The following AXDND1 variants were observed in gnomAD, a reference collection of about 807,000 sequenced individuals.
The protein encoded by AXDND1 is axonemal dynein light chain domain containing 1, also known as axonemal dynein light chain domain-containing protein 1.
A neutral mutation model predicts 137.5 loss-of-function variants in AXDND1; 110 were observed. The ratio of observed to expected loss-of-function variants is 0.80; its 90% CI spans 0.69 to 0.94. The LOEUF (loss-of-function observed/expected upper bound fraction) is 0.94. AXDND1 is among the 40% of genes least tolerant of loss of function. The pLI is 0.00. For missense variants in AXDND1, 1,191 were observed against 1,169.8 expected (o/e 1.02, Z -0.26); for synonymous variants, 414 against 399.7 (o/e 1.04, Z -0.43).
intron 23 of AXDND1, among the ~76,000 whole-genome samples, chr1:179,533,376 C>G (rs1271830666): frequency 1.3e-5 from 2 of 152,112 alleles, no homozygotes; most frequent in African/African-American, 2.4e-5. Context: ...TTGGATTTTG[C>G]AATGTTACAT....
At chr1:179,462,012 C>T (rs917164725) in intron 16 of AXDND1, among the ~76,000 whole-genome samples, 5 of 152,166 alleles carry the variant, frequency 3.3e-5, no homozygotes, top group African/African-American at 9.7e-5. Flanking sequence ...TTGACTTCCT[C>T]TTTTCCTAAT....
At chr1:179,449,568 A>C (rs1421836332) in intron 16 of AXDND1, 1 of 153,738 alleles carries the variant, frequency 6.5e-6, no homozygotes, top group Non-Finnish European at 1.4e-5. Flanking sequence ...AGCTTCTGAT[A>C]GGGATTATGT....
chr1:179,373,663 A>G (rs912582322), intron 4 of AXDND1, among the ~76,000 whole-genome samples: 1 of 152,162 alleles, frequency 6.6e-6, no homozygotes, highest in Admixed American at 6.5e-5. Context: ...AGGCCTCCGA[A>G]ATAACACCAC....
chr1:179,381,511 T>TTC (rs1265521172), intron 6 of AXDND1, among the ~76,000 whole-genome samples: 2 of 151,232 alleles, frequency 1.3e-5, no homozygotes, highest in African/African-American at 2.4e-5. Flanking sequence ...GCCCAGCTAA[T>TTC]TTTTGTAATT....
At chr1:179,502,912 A>G (rs1247901637) in intron 20 of AXDND1, among the ~76,000 whole-genome samples, 3 of 151,830 alleles carry the variant, frequency 2.0e-5, no homozygotes, top group Non-Finnish European at 4.4e-5. Context: ...CCTGACCAAC[A>G]TGGAGAGACC....
chr1:179,523,753 G>A (rs1320857353), intron 21 of AXDND1, among the ~76,000 whole-genome samples: 1 of 151,956 alleles, frequency 6.6e-6, no homozygotes, highest in Non-Finnish European at 1.5e-5. Context: ...ACAGGTCATA[G>A]TTGGTTACAT....
chr1:179,449,189 G>C (rs980951711), intron 16 of AXDND1: 1 of 446,774 alleles, frequency 2.2e-6, no homozygotes, highest in African/African-American at 2.0e-5. Flanking sequence ...CCTGGCCTTG[G>C]GTTAATTTTT....
At chr1:179,374,866 C>T (rs1348309959) in intron 4 of AXDND1, among the ~76,000 whole-genome samples, 1 of 151,080 alleles carries the variant, frequency 6.6e-6, no homozygotes, top group Admixed American at 6.6e-5. Flanking sequence ...AGGAGGAATA[C>T]CTAATGTAAA....
intron 11 of AXDND1, among the ~76,000 whole-genome samples, chr1:179,403,957 A>G (rs1171574003): frequency 6.6e-6 from 1 of 152,156 alleles, no homozygotes; most frequent in African/African-American, 2.4e-5. Flanking sequence ...GTAATACCGT[A>G]TGTACTGTAG....
At chr1:179,510,551 C>T (rs1668945578) in intron 21 of AXDND1, among the ~76,000 whole-genome samples, 1 of 151,998 alleles carries the variant, frequency 6.6e-6, no homozygotes, top group Non-Finnish European at 1.5e-5. Context: ...TGTGAAATAA[C>T]CACTGAATGA....
At chr1:179,432,073 G>T (rs1657454905) in intron 14 of AXDND1, among the ~76,000 whole-genome samples, 194 bp from the exon 15 acceptor site, 1 of 152,164 alleles carries the variant, frequency 6.6e-6, no homozygotes, top group Non-Finnish European at 1.5e-5. Context: ...GATTGCTCAG[G>T]TCTGAATAGA....
chr1:179,424,825 G>T (rs1187968136), intron 12 of AXDND1, among the ~76,000 whole-genome samples: 3 of 152,104 alleles, frequency 2.0e-5, no homozygotes, highest in Non-Finnish European at 4.4e-5. Flanking sequence ...GATGCATTCT[G>T]CTGTTGAGAA....
chr1:179,367,971 C>CT (rs563605841), intron 2 of AXDND1, among the ~76,000 whole-genome samples: 9,742 of 146,370 alleles, frequency 0.067, 1,060 homozygotes, highest in African/African-American at 0.23. Context: ...CCCCACCCAA[C>CT]TTTTTTTTTT....
chr1:179,475,864 G>A (rs1664550721), intron 17 of AXDND1, among the ~76,000 whole-genome samples: 1 of 151,508 alleles, frequency 6.6e-6, no homozygotes, highest in South Asian at 2.1e-4. Flanking sequence ...ATCCTCATGT[G>A]TTAAGGGAGG....
At chr1:179,470,646 A>G (rs1576225) in intron 17 of AXDND1, among the ~76,000 whole-genome samples, 69,376 of 151,920 alleles carry the variant, frequency 0.46, 16,732 homozygotes, top group East Asian at 0.76. Flanking sequence ...CCAAAACCTT[A>G]CTGAATTCAT....
At position 179,449,468 on chromosome 1, in the gene AXDND1, A is replaced by G. The variant is rs142868454; in HGVS notation, c.1798+4264A>G. On this transcript the variant is annotated intron_variant, in intron 16 of 25. Transcript: ENST00000367618. ...CGAGAAGTATGAGTCCTCCTACTTTATTCTTTTTCATGATTGTTTTGGCTA... is the reference window on the plus strand; with the variant it reads ...CGAGAAGTATGAGTCCTCCTACTTTGTTCTTTTTCATGATTGTTTTGGCTA... 1,179 of 157,178 alleles carry G rather than the reference A, an allele frequency of 7.5e-3. 50 individuals are homozygous for G. The highest frequency in any genetic ancestry group is 0.065 in the Admixed American group (1,037 of 15,866). The allele number at this position is 157,178 out of a possible 1,614,324, so 9.7% of individuals were successfully genotyped here.
intron 17 of AXDND1, among the ~76,000 whole-genome samples, chr1:179,475,636 T>C (rs1015046214): frequency 3.3e-5 from 5 of 152,226 alleles, no homozygotes; most frequent in African/African-American, 1.2e-4. Context: ...GTTTTTTTTA[T>C]TTTACAGGCT....
rs193279432 is a variant in AXDND1, at chr1:179,379,400, A to G, written c.499A>G (p.Lys167Glu). The G allele has an allele frequency of 5.6e-6, 9 of 1,613,078 alleles. 1 individual carries two copies. Among genetic ancestry groups the G allele is most frequent in the Admixed American group, 5.0e-5 (3 of 59,922 alleles). The part of the protein sequence containing the change: ...HDGVIVPHKP[K>E]TLTDTLIPEE... ...TTTGCTTTTCTTTTCTTTTAAGCCA[A>G]AGACACTAACAGATACTTTGATTCC... The change falls in exon 6 of 26, where the codon AAG becomes GAG. Residue 167 changes from lysine to glutamate, a missense_variant. Transcript: ENST00000367618.
intron 23 of AXDND1, among the ~76,000 whole-genome samples, chr1:179,529,452 A>G (rs148261778): frequency 1.6e-3 from 238 of 152,374 alleles, no homozygotes; most frequent in Middle Eastern, 3.4e-3. Flanking sequence ...ACATGTGTAC[A>G]TAAGAGCCTT....
Sources: allele counts gnomAD v4.1 joint callset (sites outside exome capture counted in the v4.1 genomes callset), GRCh38; gene constraint gnomAD v4.1.1; transcripts MANE v1.5; gene names NCBI Gene and HGNC (gene_info 2026-07-23, HGNC 2026-07-21).